PMS1: variants seen among roughly 807,000 people sequenced by gnomAD.
PMS1 encodes PMS1 homolog 1, mismatch repair system component.
In PMS1, 79 loss-of-function variants were observed where a neutral mutation model predicts 93.1. That is an observed-to-expected ratio of 0.85 (90% CI 0.71 to 1.02). PMS1 has a LOEUF of 1.02. Ranked by LOEUF, PMS1 falls within the 50% of genes least tolerant of loss-of-function variation. The pLI is 0.00. For synonymous variants in PMS1, 335 were observed against 363.4 expected (o/e 0.92, Z 0.89); for missense variants, 1,064 against 1,085.3 (o/e 0.98, Z 0.28).
intron 4 of PMS1, among the ~76,000 whole-genome samples, chr2:189,815,778 T>C (rs2051244116): frequency 6.6e-6 from 1 of 152,228 alleles, no homozygotes; most frequent in Admixed American, 6.5e-5. Flanking sequence ...ACTTACATTA[T>C]ATCTCATGAA....
chr2:189,875,770 T>C (rs2057506764), intron 12 of PMS1, among the ~76,000 whole-genome samples: 1 of 151,632 alleles, frequency 6.6e-6, no homozygotes, highest in African/African-American at 2.4e-5. Context: ...CTGGCCAACA[T>C]GGTGAAGTCC....
chr2:189,822,741 T>A (rs922664439), intron 5 of PMS1, among the ~76,000 whole-genome samples: 1 of 152,236 alleles, frequency 6.6e-6, no homozygotes, highest in African/African-American at 2.4e-5. Flanking sequence ...GAAACTGAAC[T>A]GTTACAAGAT....
chr2:189,854,919 A>G lies in PMS1; in HGVS notation c.1647A>G (p.Lys549=). The change falls in exon 9 of 13, where the codon AAA becomes AAG. Residue 549 remains lysine, a synonymous_variant. Coordinates refer to ENST00000441310, the MANE Select transcript of PMS1 (RefSeq NM_000534.5). ...TTAATGAAGATTCATGTAACAAAAAATCAAATGTAATAGATAATAAATCTG... is the reference window on the plus strand; with the variant it reads ...TTAATGAAGATTCATGTAACAAAAAGTCAAATGTAATAGATAATAAATCTG... The part of the protein sequence containing the change: ...MNLNEDSCNK[K]SNVIDNKSGK... The G allele has an allele frequency of 6.2e-7, 1 of 1,603,806 alleles. No homozygotes were observed. Among genetic ancestry groups the G allele is most frequent in the Non-Finnish European group, 8.5e-7 (1 of 1,171,722 alleles).
chr2:189,812,274 C>G (rs2050914122), intron 4 of PMS1, among the ~76,000 whole-genome samples: 1 of 152,194 alleles, frequency 6.6e-6, no homozygotes, highest in South Asian at 2.1e-4. Flanking sequence ...GTACTCCAGC[C>G]TGGGTGACAG....
intron 2 of PMS1, among the ~76,000 whole-genome samples, chr2:189,792,815 A>T (rs995076365): frequency 5.4e-5 from 8 of 148,652 alleles, no homozygotes; most frequent in Admixed American, 1.3e-4. Context: ...TTATTTATTT[A>T]TTTTTTATTT....
intron 6 of PMS1, among the ~76,000 whole-genome samples, chr2:189,844,537 G>A (rs971137505): frequency 6.6e-6 from 1 of 151,326 alleles, no homozygotes; most frequent in African/African-American, 2.4e-5. Context: ...CCAGCTACTC[G>A]GGAGGCTAAG....
intron 6 of PMS1, among the ~76,000 whole-genome samples, chr2:189,849,299 A>C (rs1024974285): frequency 2.6e-5 from 4 of 152,172 alleles, no homozygotes; most frequent in Non-Finnish European, 5.9e-5. Flanking sequence ...GTTTATGCTA[A>C]GTTCTGAATA....
At chr2:189,823,964 G>C (rs772077311) in intron 5 of PMS1, among the ~76,000 whole-genome samples, 1 of 152,078 alleles carries the variant, frequency 6.6e-6, no homozygotes, top group Non-Finnish European at 1.5e-5. Context: ...AGAAGTAGAA[G>C]AAATGAAAAT....
At chr2:189,873,445 C>A in intron 11 of PMS1, 51 bp from the exon 12 acceptor site, 1 of 1,303,066 alleles carries the variant, frequency 7.7e-7, no homozygotes, top group Non-Finnish European at 1.1e-6. Context: ...TTTTAATGGA[C>A]ATGTTCTGGA....
chr2:189,864,104 TCC>T lies in PMS1; in HGVS notation c.2219_2220del (p.Ser740Ter). On this transcript the variant is annotated frameshift_variant, in exon 10 of 13. Transcript: ENST00000441310. LOFTEE classifies it high-confidence loss of function. ...LRFPDAWLMT[S>X]KTEVMLLNPY... ...GTTTCCTGATGCATGGCTAATGACATCCAAAACAGAGGTAATGTTATTAAATC... is the reference window on the plus strand; with the variant it reads ...GTTTCCTGATGCATGGCTAATGACATAAAACAGAGGTAATGTTATTAAATC... 1.2e-6 allele frequency: 2 copies of T among 1,613,526 alleles called. No individual in the cohort carries two copies. The highest frequency in any genetic ancestry group is 1.7e-6 in the Non-Finnish European group (2 of 1,179,700).
intron 4 of PMS1, among the ~76,000 whole-genome samples, chr2:189,813,829 A>G (rs762778217): frequency 5.8e-4 from 89 of 152,246 alleles, no homozygotes; most frequent in Admixed American, 1.6e-3. Flanking sequence ...GCAGTGTATC[A>G]TAGTTTAATT....
rs186413184 is a variant in PMS1, at chr2:189,833,452, C to T, written c.583-10512C>T. Among the ~76,000 whole-genome samples the T allele has an allele frequency of 7.8e-3, 1,185 of 152,120 alleles. 12 individuals carry two copies. Among genetic ancestry groups the T allele is most frequent in the Middle Eastern group, 0.037 (11 of 294 alleles). ...CAAAAATTAACTGGGCATGGTGGCA[C>T]GCGCCTGTAGTCCCAGCTACTCAGG... On this transcript the variant is annotated intron_variant, in intron 5 of 12. Coordinates refer to ENST00000441310, the MANE Select transcript of PMS1 (RefSeq NM_000534.5).
At chr2:189,815,398 C>T (rs918224200) in intron 4 of PMS1, among the ~76,000 whole-genome samples, 1 of 152,114 alleles carries the variant, frequency 6.6e-6, no homozygotes, top group African/African-American at 2.4e-5. Flanking sequence ...AGGGAGGGAC[C>T]CGTAATCCCT....
In PMS1 at chr2:189,864,029, A is replaced by T; in HGVS notation, c.2143A>T (p.Lys715Ter). The T allele has an allele frequency of 6.2e-7, 1 of 1,610,766 alleles. No individual in the cohort carries two copies. The highest frequency in any genetic ancestry group is 8.5e-7 in the Non-Finnish European group (1 of 1,177,378). Reference protein sequence around the residue: ...NLKINFKKQNKVDLEEKDEPC... With the variant: ...NLKINFKKQN Reference sequence around the variant, plus strand: ...AAAAATAAATTTTAAGAAACAAAACAAAGTTGACTTAGAAGAGAAGGATGA... The same window carrying T: ...AAAAATAAATTTTAAGAAACAAAACTAAGTTGACTTAGAAGAGAAGGATGA... Residue 715 changes from lysine to a stop codon, truncating the protein, a stop_gained, in exon 10 of 13, where the codon AAA becomes TAA. Transcript: ENST00000441310. LOFTEE classifies it high-confidence loss of function.
intron 4 of PMS1, among the ~76,000 whole-genome samples, chr2:189,808,175 G>A (rs924218694): frequency 6.6e-6 from 1 of 152,042 alleles, no homozygotes; most frequent in African/African-American, 2.4e-5. Context: ...AATTTCTGCT[G>A]TGAGGTGAAC....
In PMS1 at chr2:189,852,808, G is replaced by T. The variant is rs924514266; in HGVS notation, c.822+31G>T. On this transcript the variant is annotated intron_variant, in intron 7 of 12. Transcript: ENST00000441310. ...ATGCTTTAGAAAAAAAAAATTATTT[G>T]AATTGGAAATTTGTCACATTGTAAC... 4 of 1,431,036 alleles carry T rather than the reference G, an allele frequency of 2.8e-6. No individual in the cohort carries two copies. In the African/African-American group the frequency reaches 4.2e-5, roughly 15 times the overall value. The allele number at this position is 1,431,036 out of a possible 1,614,324, so 88.6% of individuals were successfully genotyped here.
chr2:189,861,971 T>G (rs2056064387), intron 9 of PMS1, among the ~76,000 whole-genome samples: 2 of 152,120 alleles, frequency 1.3e-5, no homozygotes, highest in Admixed American at 1.3e-4. Context: ...GTAAATTTCT[T>G]TGCATTTATT....
In PMS1 at chr2:189,854,254, G is replaced by C. The variant is rs1309398133; in HGVS notation, c.982G>C (p.Ala328Pro). 1 of 1,591,244 alleles carries C rather than the reference G, an allele frequency of 6.3e-7. No individual in the cohort carries two copies. The highest frequency in any genetic ancestry group is 1.2e-5 in the South Asian group (1 of 84,682). ...LLQNKESVLI[A>P]LENLMTTCYG... ...GTATTTTTAGGAATCTGTTTTAATT[G>C]CTCTTGAAAATCTGATGACGACTTG... is the stretch of plus-strand genomic sequence containing the variant. The change falls in exon 9 of 13, where the codon GCT becomes CCT. Residue 328 changes from alanine to proline, a missense_variant. Ala to Pro is a conservative substitution (Grantham distance 27). Transcript: ENST00000441310.
In PMS1 at chr2:189,848,791, A is replaced by G. The variant is rs189010687; in HGVS notation, c.700-3864A>G. 8.7e-4 allele frequency among the ~76,000 whole-genome samples: 132 copies of G among 152,220 alleles called. 1 individual carries two copies. The highest frequency in any genetic ancestry group is 3.0e-3 in the African/African-American group (126 of 41,548). ...ACTGTGTGTCTAAGGTGTTGTATTT[A>G]TGTTGCCACCAGCTACCCATTATCA... On this transcript the variant is annotated intron_variant, in intron 6 of 12. Coordinates refer to ENST00000441310, the MANE Select transcript of PMS1 (RefSeq NM_000534.5).
Sources: allele counts gnomAD v4.1 joint callset (sites outside exome capture counted in the v4.1 genomes callset), GRCh38; gene constraint gnomAD v4.1.1; transcripts MANE v1.5; gene names NCBI Gene and HGNC (gene_info 2026-07-23, HGNC 2026-07-21).